The following KIF6 variants were observed in gnomAD, a reference collection of about 807,000 sequenced individuals.
The protein encoded by KIF6 is kinesin family member 6.
In KIF6, 106 loss-of-function variants were observed where a neutral mutation model predicts 112.7. The ratio of observed to expected loss-of-function variants is 0.94; its 90% CI spans 0.80 to 1.11. The LOEUF (loss-of-function observed/expected upper bound fraction) is 1.11. Ranked by LOEUF, KIF6 falls within the 50% of genes least tolerant of loss-of-function variation. KIF6 has a pLI of 0.00. For synonymous variants in KIF6, 339 were observed against 339.9 expected, an observed-to-expected ratio of 1.00 and a Z score of 0.03; for missense variants, 929 against 964.0, an observed-to-expected ratio of 0.96 and a Z score of 0.48.
At chr6:39,576,918 C>T (rs769431458) in intron 10 of KIF6, among the ~76,000 whole-genome samples, 6 of 152,322 alleles carry the variant, frequency 3.9e-5, no homozygotes, top group Non-Finnish European at 8.8e-5. Context: ...TCTGAAGAGA[C>T]ATTTTCAAAG....
Position 39,393,043 on chromosome 6 carries a change from C to A in KIF6, c.1811-7371G>T, listed in dbSNP as rs149240621. ...CCACTATTAACAGCTTCCAGGGGAC[C>A]TGCAAAGGAGGAACTTAGATGACCG... On this transcript the variant is annotated intron_variant, in intron 15 of 22. Coordinates refer to ENST00000287152, the MANE Select transcript of KIF6 (RefSeq NM_145027.6). 2.6e-3 allele frequency among the ~76,000 whole-genome samples: 399 copies of A among 152,314 alleles called. 1 individual carries two copies. Among genetic ancestry groups the A allele is most frequent in the African/African-American group, 9.2e-3 (383 of 41,558 alleles).
chr6:39,675,751 G>A (rs1400991832), intron 3 of KIF6, among the ~76,000 whole-genome samples: 1 of 151,362 alleles, frequency 6.6e-6, no homozygotes, highest in African/African-American at 2.4e-5. Flanking sequence ...AACATAACAA[G>A]ACACTATGAA....
intron 3 of KIF6, among the ~76,000 whole-genome samples, chr6:39,650,935 G>A (rs781305572): frequency 3.3e-5 from 5 of 151,538 alleles, no homozygotes; most frequent in Non-Finnish European, 7.4e-5. Flanking sequence ...TGAATTTACA[G>A]GAAAAAAAAA....
intron 5 of KIF6, among the ~76,000 whole-genome samples, chr6:39,631,366 T>C (rs1784343827): frequency 6.6e-6 from 1 of 152,128 alleles, no homozygotes; most frequent in African/African-American, 2.4e-5. Context: ...TTGTTTCTGA[T>C]CTTAGGAGGA....
At chr6:39,674,400 C>T (rs1281635455) in intron 3 of KIF6, among the ~76,000 whole-genome samples, 1 of 152,046 alleles carries the variant, frequency 6.6e-6, no homozygotes, top group Non-Finnish European at 1.5e-5. Context: ...GGCTTTTTTG[C>T]TTACCTGAAT....
intron 19 of KIF6, chr6:39,353,783 G>A (rs1361649978): frequency 3.4e-6 from 1 of 290,860 alleles, no homozygotes; most frequent in Non-Finnish European, 6.8e-6. Context: ...TGGACCCAGT[G>A]GCTCCTTCCC....
chr6:39,600,404 CA>C (rs1782506940), intron 6 of KIF6, among the ~76,000 whole-genome samples: 1 of 152,090 alleles, frequency 6.6e-6, no homozygotes. Flanking sequence ...ATGTTGCCCT[CA>C]AGGAACTTAC....
intron 6 of KIF6, among the ~76,000 whole-genome samples, chr6:39,611,580 A>T (rs1783216401): frequency 1.3e-5 from 2 of 152,296 alleles, no homozygotes; most frequent in South Asian, 2.1e-4. Context: ...TTCTCTAGGG[A>T]TGGATCGCCT....
In KIF6 at chr6:39,725,393, C is replaced by T. The variant is rs1790489875; in HGVS notation, c.-83G>A. The T allele has an allele frequency of 9.1e-7, 1 of 1,101,790 alleles. No homozygotes were observed. Among genetic ancestry groups the T allele is most frequent in the African/African-American group, 1.6e-5 (1 of 62,320 alleles). 68.3% of individuals were successfully genotyped at this position (1,101,790 alleles called of 1,614,324 possible). A position where few individuals can be genotyped will look rare whatever the true frequency, so the allele number is the denominator to read the frequency against. On this transcript the variant is annotated 5_prime_UTR_variant, in exon 1 of 23. The change creates a new upstream start codon in the 5' untranslated region. Transcript: ENST00000287152. ...AACTCCCACCACCTCCGGCGACCCA[C>T]AGTCTTAGCAACAGTAGCTAGGGAC...
rs1001940658 is a variant in KIF6, at chr6:39,342,616, T to A, written c.2428+1093A>T. On this transcript the variant is annotated intron_variant, in intron 22 of 22. Coordinates refer to ENST00000287152, the MANE Select transcript of KIF6 (RefSeq NM_145027.6). This position sits in a 1 kb window ranked among gnomAD's most constrained non-coding sequence, Gnocchi z 4.7. Reference sequence around the variant, plus strand: ...CCAGTTTTTTATTTTTTTTTATTTTTTTTTATTTTTTTTTATTTTTAGACA... The same window carrying A: ...CCAGTTTTTTATTTTTTTTTATTTTATTTTATTTTTTTTTATTTTTAGACA... Among the ~76,000 whole-genome samples, 5 of 132,516 alleles carry A rather than the reference T, an allele frequency of 3.8e-5. No homozygotes were observed. The highest frequency in any genetic ancestry group is 1.4e-4 in the African/African-American group (4 of 28,220). 86.9% of individuals were successfully genotyped at this position (132,516 alleles called of 152,430 possible).
intron 19 of KIF6, chr6:39,354,143 TGTGACCTGCTGCCCTGCAACG>T: frequency 5.7e-6 from 2 of 349,744 alleles, no homozygotes; most frequent in Non-Finnish European, 1.1e-5. Context: ...ATGGCTAGCA[TGTGACCTGCTGCCCTGCAACG>T]GTGACCTGCT....
chr6:39,601,137 A>G (rs1405483666), intron 6 of KIF6, among the ~76,000 whole-genome samples: 1 of 152,106 alleles, frequency 6.6e-6, no homozygotes, highest in Non-Finnish European at 1.5e-5. Flanking sequence ...CATTGTCATT[A>G]AAATGTCTTA....
In KIF6 at chr6:39,509,559, A is replaced by G. The variant is rs528236501; in HGVS notation, c.1645+30444T>C. Among the ~76,000 whole-genome samples the G allele has an allele frequency of 9.8e-5, 15 of 152,354 alleles. No individual in the cohort carries two copies. The East Asian group carries it at 2.9e-3, about 29-fold the overall frequency. ...AAATGACCTGATGGAGCTGAAAACC[A>G]CAGTATGAGAACTTTGTGGAGAATA... On this transcript the variant is annotated intron_variant, in intron 13 of 22. Coordinates refer to ENST00000287152, the MANE Select transcript of KIF6 (RefSeq NM_145027.6).
chr6:39,714,918 A>G (rs1391642274), intron 2 of KIF6, 152 bp from the exon 3 acceptor site: 2 of 617,982 alleles, frequency 3.2e-6, no homozygotes, highest in Non-Finnish European at 5.8e-6. Flanking sequence ...TGTAGTCTCA[A>G]CCACACTGTG....
chr6:39,586,995 C>G (rs749985348), intron 7 of KIF6, among the ~76,000 whole-genome samples: 51 of 152,142 alleles, frequency 3.4e-4, no homozygotes, highest in Admixed American at 1.4e-3. Context: ...TGAATAGTAC[C>G]TAGCCCATAA....
At chr6:39,539,332 A>T (rs1778647576) in intron 13 of KIF6, among the ~76,000 whole-genome samples, 1 of 151,966 alleles carries the variant, frequency 6.6e-6, no homozygotes, top group Admixed American at 6.6e-5. Flanking sequence ...TTGTCATTTA[A>T]GTCTGTGGTA....
chr6:39,362,442 T>C lies in KIF6; in HGVS notation c.1938A>G (p.Glu646=), dbSNP rs183896368. Residue 646 remains glutamate (E), a synonymous_variant, in exon 17 of 23, where the codon GAA becomes GAG. Coordinates refer to ENST00000287152, the MANE Select transcript of KIF6 (RefSeq NM_145027.6). ...EEKLRSQLEE[E]KRRYKTMFTR... ...GCTAAAAGGAAGGGCACCTTCTCTT[T>C]TCTTCCTCCAGTTGTGATCGCAGCT... is the stretch of plus-strand genomic sequence containing the variant. 1.7e-5 allele frequency: 28 copies of C among 1,613,710 alleles called. No homozygotes were observed. In the Admixed American group the frequency reaches 3.5e-4, roughly 20 times the overall value.
chr6:39,590,726 C>T lies in KIF6; in HGVS notation c.847-4322G>A, dbSNP rs1374900657. Among the ~76,000 whole-genome samples, 6 of 152,194 alleles carry T rather than the reference C, an allele frequency of 3.9e-5. No homozygotes were observed. The South Asian group carries it at 6.2e-4, about 16-fold the overall frequency. On this transcript the variant is annotated intron_variant, in intron 7 of 22. Coordinates refer to ENST00000287152, the MANE Select transcript of KIF6 (RefSeq NM_145027.6). ...TTTGCCTCCTAAAGTGCTGGGATTACAGGCATCAGCCACCATGCCCAACCC... is the reference window on the plus strand; with the variant it reads ...TTTGCCTCCTAAAGTGCTGGGATTATAGGCATCAGCCACCATGCCCAACCC...
At chr6:39,707,504 G>A (rs1309791695) in intron 3 of KIF6, among the ~76,000 whole-genome samples, 3 of 152,178 alleles carry the variant, frequency 2.0e-5, no homozygotes, top group African/African-American at 7.2e-5. Flanking sequence ...AGATATATGA[G>A]GGGAAAAATC....
Sources: allele counts gnomAD v4.1 joint callset (sites outside exome capture counted in the v4.1 genomes callset), GRCh38; gene constraint gnomAD v4.1.1; non-coding constraint Gnocchi (gnomAD v3.1); transcripts MANE v1.5; gene names NCBI Gene and HGNC (gene_info 2026-07-23, HGNC 2026-07-21).